TBL1X: variants seen among roughly 807,000 people sequenced by gnomAD.
TBL1X encodes the protein F-box-like/WD repeat-containing protein TBL1X.
In TBL1X, 10 loss-of-function variants were observed where a neutral mutation model predicts 50.7. The observed-to-expected ratio is 0.20, with a 90% confidence interval of 0.12 to 0.33. The LOEUF is 0.33. TBL1X is among the 10% of genes least tolerant of loss of function. The pLI, the probability that TBL1X is intolerant of heterozygous loss-of-function variation, is 1.00. For missense variants in TBL1X, 340 were observed against 504.4 expected (o/e 0.67, Z 3.12); for synonymous variants, 190 against 214.7 (o/e 0.88, Z 1.01).
intron 2 of TBL1X, among the ~76,000 whole-genome samples, chrX:9,571,445 A>G (rs1270991333): frequency 8.9e-6 from 1 of 112,198 alleles, no homozygotes; most frequent in African/African-American, 3.2e-5. Flanking sequence ...CCACCTTAAG[A>G]TAGCCATATG....
At chrX:9,503,244 G>A (rs774498052) in intron 2 of TBL1X, among the ~76,000 whole-genome samples, 5 of 112,032 alleles carry the variant, frequency 4.5e-5, no homozygotes, top group Admixed American at 1.9e-4. Flanking sequence ...TAAGGCAGGA[G>A]GTGAGTGAGC....
intron 2 of TBL1X, among the ~76,000 whole-genome samples, chrX:9,569,182 T>G (rs898554328): frequency 1.9e-5 from 2 of 107,966 alleles, no homozygotes; most frequent in African/African-American, 6.8e-5. Context: ...GTGTGTTGTG[T>G]CTATCTGTGC....
chrX:9,585,607 G>T (rs139433726), intron 2 of TBL1X, among the ~76,000 whole-genome samples: 1 of 110,726 alleles, frequency 9.0e-6, no homozygotes, highest in Non-Finnish European at 1.9e-5. Flanking sequence ...GTGGCTTACC[G>T]TATAGAAACA....
At chrX:9,715,302 C>G (rs1036616355) in intron 17 of TBL1X, among the ~76,000 whole-genome samples, 1 of 112,338 alleles carries the variant, frequency 8.9e-6, no homozygotes, top group Non-Finnish European at 1.9e-5. Flanking sequence ...GTTGTCACTA[C>G]AGTCATGTGT....
At chrX:9,523,152 C>T (rs2082114473) in intron 2 of TBL1X, among the ~76,000 whole-genome samples, 1 of 112,014 alleles carries the variant, frequency 8.9e-6, no homozygotes, top group African/African-American at 3.2e-5. Flanking sequence ...GCTGATTGCC[C>T]TGCTTTAGCT....
intron 16 of TBL1X, among the ~76,000 whole-genome samples, chrX:9,713,230 A>G (rs140010618): frequency 0.019 from 2,131 of 110,951 alleles, 59 homozygotes; most frequent in African/African-American, 0.066. Context: ...CTCTCCGGGA[A>G]GCACGCATCT....
intron 1 of TBL1X, among the ~76,000 whole-genome samples, chrX:9,493,770 AAAAAC>A (rs760911957): frequency 1.8e-5 from 2 of 111,247 alleles, no homozygotes; most frequent in African/African-American, 6.6e-5. Context: ...ATCTTGTCTC[AAAAAC>A]AAAACAAAAC....
intron 2 of TBL1X, among the ~76,000 whole-genome samples, chrX:9,571,192 C>T (rs888717278): frequency 8.1e-5 from 9 of 111,410 alleles, no homozygotes; most frequent in African/African-American, 9.8e-5. Flanking sequence ...TGCAGATGGC[C>T]GCCTTCTTGC....
At chrX:9,662,346 G>A (rs141902714) in intron 5 of TBL1X, among the ~76,000 whole-genome samples, 154 of 111,967 alleles carry the variant, frequency 1.4e-3, no homozygotes, top group Non-Finnish European at 2.2e-3. Context: ...TCAACAGAAC[G>A]TGTCCATCCA....
chrX:9,534,443 A>G (rs1827258569), intron 2 of TBL1X, among the ~76,000 whole-genome samples: 1 of 107,390 alleles, frequency 9.3e-6, no homozygotes, highest in African/African-American at 3.5e-5. Flanking sequence ...TGTGGCTTAT[A>G]TATAATAAGA....
chrX:9,691,903 C>T (rs1464395896), intron 8 of TBL1X, among the ~76,000 whole-genome samples, 192 bp downstream of exon 8: 2 of 112,037 alleles, frequency 1.8e-5, no homozygotes, highest in African/African-American at 6.5e-5. Context: ...GCCATAGTTC[C>T]AAGTCGTTTT....
rs1250728227 is a variant in TBL1X at position 9,517,719 on chromosome X, A to T, written c.-131+15870A>T. On this transcript the variant is annotated intron_variant, in intron 2 of 17. Transcript: ENST00000645353. ...TCCTTGAAAATTCATAGCACTACTC[A>T]GTCAGGATTCTGCAGGACAGTGCCC... is the stretch of plus-strand genomic sequence containing the variant. Among the ~76,000 whole-genome samples the T allele has an allele frequency of 2.7e-5, 3 of 112,321 alleles. No individual in the cohort carries two copies. The East Asian group carries it at 8.5e-4, about 32-fold the overall frequency.
chrX:9,542,539 T>G (rs910843048), intron 2 of TBL1X, among the ~76,000 whole-genome samples: 1 of 111,831 alleles, frequency 8.9e-6, no homozygotes, highest in African/African-American at 3.3e-5. Context: ...GAAATTTTCA[T>G]CATGACCTGA....
Position 9,576,720 on chromosome X carries a change from C to T in TBL1X, c.-130-63553C>T, listed in dbSNP as rs953638527. Reference sequence around the variant, plus strand: ...TAAAAAAAAAAAAAAAAAAAAACATCGGACGTGGTGGGTCACACCTGTAAT... The same window carrying T: ...TAAAAAAAAAAAAAAAAAAAAACATTGGACGTGGTGGGTCACACCTGTAAT... On this transcript the variant is annotated intron_variant, in intron 2 of 17. Coordinates refer to ENST00000645353, the MANE Select transcript of TBL1X (RefSeq NM_005647.4). Among the ~76,000 whole-genome samples, 10 of 98,433 alleles carry T rather than the reference C, an allele frequency of 1.0e-4. No individual in the cohort carries two copies. In the East Asian group the frequency reaches 2.5e-3, roughly 25 times the overall value. The allele number at this position is 98,433 out of a possible 115,157, so 85.5% of individuals were successfully genotyped here.
chrX:9,693,325 A>G lies in TBL1X; in HGVS notation c.959A>G (p.Asn320Ser), dbSNP rs769207505. 3 of 1,211,509 alleles carry G rather than the reference A, an allele frequency of 2.5e-6. No individual in the cohort carries two copies. Among genetic ancestry groups the G allele is most frequent in the Admixed American group, 2.2e-5 (1 of 46,057 alleles). Residue 320 changes from asparagine to serine, a missense_variant, in exon 11 of 18, where the codon AAC (asparagine) becomes AGC (serine). Physicochemically the swap from Asn to Ser is conservative, Grantham distance 46 (BLOSUM62 1). Transcript: ENST00000645353. ...ACATGTTTGTTTTTACTAACAGGTA[A>G]CCTGGCCAGCACCTTAGGCCAACAT... ...GFARIWTEDG[N>S]LASTLGQHKG...
intron 1 of TBL1X, among the ~76,000 whole-genome samples, chrX:9,481,936 A>G (rs2046977951): frequency 8.9e-6 from 1 of 112,539 alleles, no homozygotes; most frequent in South Asian, 3.7e-4. Flanking sequence ...CAGGTATAGT[A>G]AGAATAAAAC....
chrX:9,509,251 C>T (rs1218596750), intron 2 of TBL1X, among the ~76,000 whole-genome samples: 10 of 101,527 alleles, frequency 9.8e-5, no homozygotes, highest in African/African-American at 3.3e-4. Flanking sequence ...ATTAGCCGGG[C>T]GTGGTGGCGG....
At chrX:9,678,881 T>C (rs2083009218) in intron 5 of TBL1X, among the ~76,000 whole-genome samples, 1 of 111,798 alleles carries the variant, frequency 8.9e-6, no homozygotes, top group Admixed American at 9.5e-5. Context: ...CCTAGTTAGA[T>C]GAGACAAATT....
chrX:9,623,157 G>C (rs1204918395), intron 2 of TBL1X, among the ~76,000 whole-genome samples: 1 of 111,952 alleles, frequency 8.9e-6, no homozygotes, highest in East Asian at 2.8e-4. Flanking sequence ...TATCCTGCAA[G>C]CCAAATTTAG....
Sources: gnomAD v4.1 joint callset for allele counts (sites outside exome capture counted in the v4.1 genomes callset) on GRCh38, gnomAD v4.1.1 for gene constraint, MANE v1.5 for transcripts, NCBI Gene and HGNC (gene_info 2026-07-23, HGNC 2026-07-21) for gene names.